TNNT2: variants seen among roughly 807,000 people sequenced by gnomAD.
TNNT2 encodes the protein troponin T, cardiac muscle.
A neutral mutation model predicts 62.4 loss-of-function variants in TNNT2; 34 were observed. That is an observed-to-expected ratio of 0.54 (90% CI 0.41 to 0.72). TNNT2 has a LOEUF of 0.72. Among genes scored for constraint, TNNT2 ranks in the 30% least tolerant of loss-of-function variants. The pLI is 0.00. For missense variants in TNNT2, 275 were observed against 381.9 expected (o/e 0.72, Z 2.33); for synonymous variants, 123 against 127.2 (o/e 0.97, Z 0.22).
At chr1:201,373,560 C>A in intron 1 of TNNT2, 1 of 466,972 alleles carries the variant, frequency 2.1e-6, no homozygotes, top group Non-Finnish European at 4.0e-6. Context: ...ACAATGTCTG[C>A]AGTTTCTCAA....
chr1:201,365,663 TGA>T lies in TNNT2; in HGVS notation c.239_240del (p.Phe80TyrfsTer18). The stretch of plus-strand genomic sequence containing the variant: ...ATCTTGGGAGGCACCAAGTTGGGCA[TGA>T]ACGACCTGTTGGAGAGAGGAATAGT... ...MEESKPKPRS[F>X]MPNLVPPKIP... On this transcript the variant is annotated frameshift_variant, in exon 9 of 17. Coordinates refer to ENST00000656932, the MANE Select transcript of TNNT2 (RefSeq NM_001276345.2). LOFTEE classifies it high-confidence loss of function. The T allele has an allele frequency of 6.2e-7, 1 of 1,613,952 alleles. No individual in the cohort carries two copies. Among genetic ancestry groups the T allele is most frequent in the Non-Finnish European group, 8.5e-7 (1 of 1,179,950 alleles).
Position 201,361,153 on chromosome 1 carries a change from G to A in TNNT2, c.810+126C>T, listed in dbSNP as rs1348067893. 42 of 894,996 alleles carry A rather than the reference G, an allele frequency of 4.7e-5. No individual in the cohort carries two copies. The East Asian group carries it at 8.9e-4, about 19-fold the overall frequency. 55.4% of individuals were successfully genotyped at this position (894,996 alleles called of 1,614,324 possible). On this transcript the variant is annotated intron_variant, in intron 15 of 16. Transcript: ENST00000656932. ...AGGCCAGGCAGCAGGGGCAGATGCA[G>A]GAGCTGAAGGGGGCTGTTGGGGAAT...
intron 1 of TNNT2, 61 bp from the exon 2 acceptor site, chr1:201,373,329 C>T: frequency 1.4e-6 from 2 of 1,460,022 alleles, no homozygotes; most frequent in Non-Finnish European, 1.9e-6. Flanking sequence ...CTCAGAAGAG[C>T]TCTGGCCCCC....
intron 2 of TNNT2, 180 bp downstream of exon 2, chr1:201,373,034 G>A (rs755382574): frequency 1.9e-5 from 14 of 744,462 alleles, no homozygotes; most frequent in Non-Finnish European, 2.4e-5. Context: ...CTCTGCCTGG[G>A]ATCTACAACC....
chr1:201,367,048 C>A (rs894979666), intron 7 of TNNT2, 177 bp from the exon 8 acceptor site: 6 of 953,516 alleles, frequency 6.3e-6, no homozygotes, highest in Admixed American at 2.0e-5. Flanking sequence ...GCAGCGGGGG[C>A]TGCAGATGCC....
chr1:201,369,731 C>G (rs1173797341), intron 5 of TNNT2, 85 bp downstream of exon 5: 2 of 1,570,716 alleles, frequency 1.3e-6, no homozygotes, highest in Non-Finnish European at 1.8e-6. Context: ...CACCCCCCAG[C>G]CCCCAGAACA....
intron 7 of TNNT2, chr1:201,367,118 C>A: frequency 1.6e-6 from 1 of 625,408 alleles, no homozygotes; most frequent in Non-Finnish European, 2.8e-6. Flanking sequence ...GAACTTCACA[C>A]AAAGCCTTCT....
chr1:201,359,659 T>C lies in TNNT2; in HGVS notation c.815A>G (p.Asn272Ser), dbSNP rs397516483. ...EKFKQQKYEI[N>S]VLRNRINDNQ... Reference sequence around the variant, plus strand: ...ATCGTTGATCCTGTTTCGGAGAACATTGATCTGCAAGAAAAGTGGGAAGGA... The same window carrying C: ...ATCGTTGATCCTGTTTCGGAGAACACTGATCTGCAAGAAAAGTGGGAAGGA... Residue 272 changes from asparagine (N) to serine (S), a missense_variant, in exon 16 of 17, where the codon AAT (asparagine) becomes AGT (serine). Asn to Ser is a conservative substitution (Grantham distance 46). Transcript: ENST00000656932. 24 of 1,591,488 alleles carry C rather than the reference T, an allele frequency of 1.5e-5. No homozygotes were observed. The highest frequency in any genetic ancestry group is 2.0e-5 in the Non-Finnish European group (23 of 1,166,962).
chr1:201,368,275 T>C (rs1473629905), intron 5 of TNNT2, 48 bp from the exon 6 acceptor site: 44 of 1,596,320 alleles, frequency 2.8e-5, no homozygotes, highest in Non-Finnish European at 3.6e-5. Flanking sequence ...CCACTCATGC[T>C]ATCAGGCAGA....
At chr1:201,359,497 C>T (rs1446256264) in intron 16 of TNNT2, 126 bp downstream of exon 16, 19 of 1,099,196 alleles carry the variant, frequency 1.7e-5, no homozygotes, top group Non-Finnish European at 2.4e-5. Context: ...AGAAGGAAAC[C>T]TGTGGGCTGA....
rs1659579070 is a variant in TNNT2, at chr1:201,365,904, C to T, written c.234-234G>A. On this transcript the variant is annotated intron_variant, in intron 8 of 16. Coordinates refer to ENST00000656932, the MANE Select transcript of TNNT2 (RefSeq NM_001276345.2). The stretch of plus-strand genomic sequence containing the variant: ...ATTTCACTTCATGCTCATGATATGC[C>T]CATGAAGTGGGTACCGTTAATCTCA... 26 of 1,371,232 alleles carry T rather than the reference C, an allele frequency of 1.9e-5. No individual in the cohort carries two copies. The South Asian group carries it at 3.7e-4, about 20-fold the overall frequency. 84.9% of individuals were successfully genotyped at this position (1,371,232 alleles called of 1,614,324 possible).
At chr1:201,365,712 C>T (rs1659546649) in intron 8 of TNNT2, 42 bp from the exon 9 acceptor site, 2 of 1,608,510 alleles carry the variant, frequency 1.2e-6, no homozygotes, top group African/African-American at 2.7e-5. Context: ...CCATTCTGGA[C>T]CCAGGGACTG....
intron 5 of TNNT2, among the ~76,000 whole-genome samples, chr1:201,369,576 C>A (rs1333975313): frequency 6.6e-6 from 1 of 152,182 alleles, no homozygotes; most frequent in African/African-American, 2.4e-5. Flanking sequence ...TCCCACCACC[C>A]AACCCAGGGG....
At chr1:201,369,325 G>A (rs759518592) in intron 5 of TNNT2, 22 of 472,668 alleles carry the variant, frequency 4.7e-5, no homozygotes, top group East Asian at 2.1e-4. Context: ...GAAGGCTGAC[G>A]TCATGTCCTT....
At chr1:201,373,383 C>T in intron 1 of TNNT2, 115 bp from the exon 2 acceptor site, 1 of 893,170 alleles carries the variant, frequency 1.1e-6, no homozygotes, top group Non-Finnish European at 1.9e-6. Context: ...CTAGTTCCAC[C>T]CCTCATGAGC....
chr1:201,365,565 G>C, intron 9 of TNNT2, 45 bp downstream of exon 9: 2 of 1,599,598 alleles, frequency 1.3e-6, no homozygotes, highest in Non-Finnish European at 8.6e-7. Context: ...GGGCCCTTGG[G>C]ACTATCCCCA....
intron 3 of TNNT2, 32 bp from the exon 4 acceptor site, chr1:201,372,073 A>T (rs368759514): frequency 1.2e-6 from 2 of 1,613,632 alleles, no homozygotes; most frequent in Non-Finnish European, 1.7e-6. Flanking sequence ...GCAGCAAGAG[A>T]AGAGAGAAGA....
chr1:201,367,892 A>G, intron 6 of TNNT2, 86 bp from the exon 7 acceptor site: 1 of 1,512,762 alleles, frequency 6.6e-7, no homozygotes, highest in Non-Finnish European at 9.2e-7. Flanking sequence ...TTCCCCACAG[A>G]TAAGCCCTAG....
chr1:201,365,782 G>A lies in TNNT2; in HGVS notation c.234-112C>T, dbSNP rs1009694331. The A allele has an allele frequency of 4.6e-5, 72 of 1,552,696 alleles. 1 individual carries two copies. The highest frequency in any genetic ancestry group is 5.5e-5 in the African/African-American group (4 of 73,256). The stretch of plus-strand genomic sequence containing the variant: ...CTAGAGAATCTTCCAGCACTGCCCC[G>A]ACCAACCACAGCAATGATAGTAACA... On this transcript the variant is annotated intron_variant, in intron 8 of 16. Coordinates refer to ENST00000656932, the MANE Select transcript of TNNT2 (RefSeq NM_001276345.2).
Sources: gnomAD v4.1 joint callset for allele counts (sites outside exome capture counted in the v4.1 genomes callset) on GRCh38, gnomAD v4.1.1 for gene constraint, MANE v1.5 for transcripts, NCBI Gene and HGNC (gene_info 2026-07-23, HGNC 2026-07-21) for gene names.